Variants in F13A1 observed in about 807,000 individuals in gnomAD.
F13A1 encodes FSF, A subunit.
In F13A1, 47 loss-of-function variants were observed where a neutral mutation model predicts 80.1. The ratio of observed to expected loss-of-function variants is 0.59; its 90% CI spans 0.46 to 0.75. The LOEUF (loss-of-function observed/expected upper bound fraction) is 0.75, where lower values mean the gene tolerates loss of function less well. F13A1 is among the 30% of genes least tolerant of loss of function. The pLI, the probability that F13A1 is intolerant of heterozygous loss-of-function variation, is 0.00. For synonymous variants in F13A1, 349 were observed against 344.9 expected (o/e 1.01, Z -0.13); for missense variants, 817 against 930.4 (o/e 0.88, Z 1.59).
chr6:6,190,601 G>T (rs543195926), intron 10 of F13A1, among the ~76,000 whole-genome samples: 2 of 151,928 alleles, frequency 1.3e-5, no homozygotes, highest in Non-Finnish European at 2.9e-5. Flanking sequence ...CCAGCTGCAT[G>T]CTGGGAGAAC....
intron 2 of F13A1, among the ~76,000 whole-genome samples, chr6:6,308,368 G>A (rs1758542352): frequency 6.6e-6 from 1 of 151,036 alleles, no homozygotes; most frequent in African/African-American, 2.4e-5. Context: ...TTTATCCAAC[G>A]CTCTGTTTTG....
intron 6 of F13A1, among the ~76,000 whole-genome samples, chr6:6,225,772 G>A (rs1757268774): frequency 6.6e-6 from 1 of 152,164 alleles, no homozygotes; most frequent in African/African-American, 2.4e-5. Flanking sequence ...CAAAGAGTTG[G>A]AATTACAGGC....
rs564049756 is a variant in F13A1 at position 6,199,915 on chromosome 6, A to T, written c.1113-2589T>A. ...AGAGAAGCCATTGGGGATACAACCC[A>T]CAGGTTTAGGGAGATGTGAGGGACT... On this transcript the variant is annotated intron_variant, in intron 8 of 14. Coordinates refer to ENST00000264870, the MANE Select transcript of F13A1 (RefSeq NM_000129.4). 7.9e-5 allele frequency among the ~76,000 whole-genome samples: 12 copies of T among 152,274 alleles called. No individual in the cohort carries two copies. In the South Asian group the frequency reaches 2.5e-3, roughly 32 times the overall value.
intron 12 of F13A1, among the ~76,000 whole-genome samples, chr6:6,173,627 C>T (rs932472125): frequency 6.6e-6 from 1 of 152,070 alleles, no homozygotes; most frequent in African/African-American, 2.4e-5. Flanking sequence ...AGGCTGGTCT[C>T]GAACTCCTAA....
At chr6:6,211,667 G>A (rs1038737385) in intron 8 of F13A1, among the ~76,000 whole-genome samples, 3 of 152,206 alleles carry the variant, frequency 2.0e-5, no homozygotes, top group African/African-American at 4.8e-5. Flanking sequence ...AATAATTAGG[G>A]GGAGGAGCCA....
chr6:6,270,328 G>T (rs904424076), intron 3 of F13A1, among the ~76,000 whole-genome samples: 4 of 152,068 alleles, frequency 2.6e-5, no homozygotes, highest in African/African-American at 7.2e-5. Flanking sequence ...TAAACTATTC[G>T]CAAACATCTG....
intron 13 of F13A1, among the ~76,000 whole-genome samples, chr6:6,165,253 ACT>A (rs1408028623): frequency 6.6e-6 from 1 of 152,064 alleles, no homozygotes; most frequent in African/African-American, 2.4e-5. Context: ...CATTTAAAGT[ACT>A]CTCTACATGC....
rs111622535 is a variant in F13A1, at chr6:6,161,551, TGA to T, written c.1908+5905_1908+5906del. Reference sequence around the variant, plus strand: ...GTGTGTGTGTGTGTGTGTGTGTGTGTGAGAGAGAGAGAGAGAGAGAGAGAGAG... The same window carrying T: ...GTGTGTGTGTGTGTGTGTGTGTGTGTGAGAGAGAGAGAGAGAGAGAGAGAG... On this transcript the variant is annotated intron_variant, in intron 13 of 14. Transcript: ENST00000264870. 4.5e-3 allele frequency among the ~76,000 whole-genome samples: 654 copies of T among 145,790 alleles called. 1 individual carries two copies. The highest frequency in any genetic ancestry group is 0.01 in the Middle Eastern group (3 of 286).
intron 8 of F13A1, among the ~76,000 whole-genome samples, chr6:6,210,972 C>G (rs3024425): frequency 1.3e-5 from 2 of 151,916 alleles, no homozygotes; most frequent in Non-Finnish European, 2.9e-5. Flanking sequence ...CTCAAGTGAT[C>G]CTCCTGCATC....
chr6:6,296,289 A>T (rs1322330914), intron 3 of F13A1, among the ~76,000 whole-genome samples: 157 of 151,750 alleles, frequency 1.0e-3, no homozygotes, highest in Non-Finnish European at 1.8e-3. Context: ...GAAGAAAGTC[A>T]CTGGTAGCTT....
rs145651267 is a variant in F13A1, at chr6:6,171,511, C to T, written c.1747+3069G>A. On this transcript the variant is annotated intron_variant, in intron 12 of 14. Transcript: ENST00000264870. ...CTCCACCTTCAGCACATGCCCAGAT[C>T]GGACTGGTTCTCGCTGCTTCCATCA... Among the ~76,000 whole-genome samples, 700 of 152,334 alleles carry T rather than the reference C, an allele frequency of 4.6e-3. 4 individuals carry two copies. The highest frequency in any genetic ancestry group is 0.015 in the African/African-American group (638 of 41,568).
rs59391881 is a variant in F13A1, at chr6:6,164,424, G to A, written c.1908+3034C>T. Among the ~76,000 whole-genome samples the A allele has an allele frequency of 6.3e-3, 962 of 151,970 alleles. 11 individuals carry two copies. The highest frequency in any genetic ancestry group is 0.022 in the African/African-American group (918 of 41,424). On this transcript the variant is annotated intron_variant, in intron 13 of 14. Transcript: ENST00000264870. ...CCTGGGTGATGTAACAATATGTACA[G>A]CAAACCCCTGTGACACGTGTTTATC...
intron 8 of F13A1, among the ~76,000 whole-genome samples, chr6:6,212,717 A>G (rs527967366): frequency 1.4e-4 from 21 of 152,354 alleles, no homozygotes; most frequent in East Asian, 7.7e-4. Flanking sequence ...GGCTTCAGAC[A>G]ATCAAATTGC....
intron 13 of F13A1, 133 bp downstream of exon 13, chr6:6,167,325 A>T (rs1004046077): frequency 7.0e-5 from 55 of 786,252 alleles, no homozygotes; most frequent in South Asian, 4.3e-4. Context: ...TAGCACTGGT[A>T]TTTTTTTTTT....
intron 8 of F13A1, among the ~76,000 whole-genome samples, chr6:6,199,223 C>G (rs1761347784): frequency 6.6e-6 from 1 of 152,220 alleles, no homozygotes; most frequent in Non-Finnish European, 1.5e-5. Flanking sequence ...GGCGCAGTGG[C>G]TCACGCCTGT....
intron 3 of F13A1, among the ~76,000 whole-genome samples, chr6:6,300,463 T>G (rs59417698): frequency 1.3e-5 from 2 of 151,332 alleles, no homozygotes; most frequent in Admixed American, 1.3e-4. Flanking sequence ...TTTTTAAGCC[T>G]GTCGGAAAAG....
In F13A1 at chr6:6,258,348, A is replaced by G. The variant is rs185842350; in HGVS notation, c.572-7419T>C. 2.5e-3 allele frequency among the ~76,000 whole-genome samples: 387 copies of G among 152,320 alleles called. 1 individual carries two copies. The highest frequency in any genetic ancestry group is 5.1e-3 in the Admixed American group (78 of 15,296). On this transcript the variant is annotated intron_variant, in intron 4 of 14. Coordinates refer to ENST00000264870, the MANE Select transcript of F13A1 (RefSeq NM_000129.4). ...TCAGTTCAGCAAACATTTACTGAAC[A>G]TTGACTCAATTCCAGGCACCACGAA...
chr6:6,157,773 A>G (rs539985390), intron 13 of F13A1, among the ~76,000 whole-genome samples: 30 of 152,356 alleles, frequency 2.0e-4, no homozygotes, highest in African/African-American at 6.3e-4. Context: ...TACTGGGATT[A>G]CAGGACTGGA....
At chr6:6,241,046 T>C (rs1441105880) in intron 6 of F13A1, among the ~76,000 whole-genome samples, 2 of 152,196 alleles carry the variant, frequency 1.3e-5, no homozygotes, top group African/African-American at 4.8e-5. Flanking sequence ...TGATATGCGT[T>C]ACAATTGGAA....
Sources: allele counts gnomAD v4.1 joint callset (sites outside exome capture counted in the v4.1 genomes callset), GRCh38; gene constraint gnomAD v4.1.1; transcripts MANE v1.5; gene names NCBI Gene and HGNC (gene_info 2026-07-23, HGNC 2026-07-21).